Variants in PTK2B observed in about 807,000 individuals in gnomAD.
PTK2B encodes protein tyrosine kinase 2 beta, also known as protein-tyrosine kinase 2-beta.
PTK2B carries 71 observed loss-of-function variants against 142.9 expected under a neutral mutation model. That is an observed-to-expected ratio of 0.50 (90% CI 0.41 to 0.61). The LOEUF (loss-of-function observed/expected upper bound fraction) is 0.61. PTK2B is among the 20% of genes least tolerant of loss of function. The pLI, the probability that PTK2B is intolerant of heterozygous loss-of-function variation, is 0.00. For missense variants in PTK2B, 1,105 were observed against 1,320.4 expected, an observed-to-expected ratio of 0.84 and a Z score of 2.53; for synonymous variants, 519 against 503.4, an observed-to-expected ratio of 1.03 and a Z score of -0.42.
At chr8:27,444,317 C>A in intron 23 of PTK2B, 46 bp downstream of exon 23, 1 of 1,566,746 alleles carries the variant, frequency 6.4e-7, no homozygotes, top group Non-Finnish European at 8.8e-7. Flanking sequence ...TACCTCTCAT[C>A]CAGGTCCTGA....
intron 1 of PTK2B, among the ~76,000 whole-genome samples, chr8:27,366,993 G>T (rs73568017): frequency 6.6e-6 from 1 of 152,132 alleles, no homozygotes; most frequent in Non-Finnish European, 1.5e-5. Flanking sequence ...GAGGTAGAAG[G>T]TGCCTGAGAC....
intron 1 of PTK2B, among the ~76,000 whole-genome samples, chr8:27,371,345 G>A (rs926572022): frequency 3.9e-4 from 60 of 152,142 alleles, no homozygotes; most frequent in Admixed American, 1.6e-3. Flanking sequence ...GTCGGCGGCT[G>A]GAGGTGGGCC....
At chr8:27,433,987 G>T (rs77038448) in intron 11 of PTK2B, 106 bp from the exon 12 acceptor site, 15,639 of 1,388,186 alleles carry the variant, frequency 0.011, 101 homozygotes, top group Non-Finnish European at 0.014. Flanking sequence ...GGAATTAGGG[G>T]CTGGGATGGG....
intron 5 of PTK2B, among the ~76,000 whole-genome samples, chr8:27,427,869 C>T (rs192268300): frequency 7.2e-5 from 11 of 152,262 alleles, no homozygotes; most frequent in Non-Finnish European, 1.5e-5. Flanking sequence ...CTTTTGGGCA[C>T]CAGGGACCAG....
At position 27,342,875 on chromosome 8, in the gene PTK2B, A is replaced by G. The variant is rs569765017; in HGVS notation, c.-38+17194A>G. Among the ~76,000 whole-genome samples, 3 of 152,152 alleles carry G rather than the reference A, an allele frequency of 2.0e-5. No homozygotes were observed. The East Asian group carries it at 5.8e-4, about 29-fold the overall frequency. On this transcript the variant is annotated intron_variant, in intron 1 of 30. Coordinates refer to ENST00000346049, the MANE Select transcript of PTK2B (RefSeq NM_173176.3). ...ATTCCATCCATATCTGCTGAATTGCAGTGAGAAGGGCCTGAGAAACAAACC... is the reference window on the plus strand; with the variant it reads ...ATTCCATCCATATCTGCTGAATTGCGGTGAGAAGGGCCTGAGAAACAAACC...
rs185255666 is a variant in PTK2B, at chr8:27,451,600, G to A, written c.2548+91G>A. ...CCCACCGCCCAGGGCAGGGAGCAGC[G>A]GAGTCTGTCTGCATTCCCTGCAGCA... On this transcript the variant is annotated intron_variant, in intron 27 of 30. Coordinates refer to ENST00000346049, the MANE Select transcript of PTK2B (RefSeq NM_173176.3). The A allele has an allele frequency of 2.4e-4, 391 of 1,601,146 alleles. 1 individual carries two copies. In the African/African-American group the frequency reaches 2.7e-3, roughly 11 times the overall value.
chr8:27,320,490 C>T (rs969290243), intron 3 of PTK2B, among the ~76,000 whole-genome samples: 5 of 152,254 alleles, frequency 3.3e-5, no homozygotes, highest in East Asian at 1.9e-4. Context: ...CCTGTGCTTC[C>T]GACTGACTGG....
intron 2 of PTK2B, among the ~76,000 whole-genome samples, chr8:27,401,611 C>T (rs1371624315): frequency 6.6e-6 from 1 of 152,194 alleles, no homozygotes; most frequent in East Asian, 1.9e-4. Context: ...AGGCACATAG[C>T]GGGTTTGAGA....
In PTK2B at chr8:27,347,030, C is replaced by T. The variant is rs543397193; in HGVS notation, c.-38+21349C>T. On this transcript the variant is annotated intron_variant, in intron 1 of 30. Transcript: ENST00000346049. ...TTGCATGAGGTGGGTTTTCAGATGT[C>T]GTGCCTTTCTGGCTCTCCACTTCTG... Among the ~76,000 whole-genome samples, 32 of 152,240 alleles carry T rather than the reference C, an allele frequency of 2.1e-4. No homozygotes were observed. The South Asian group carries it at 5.2e-3, about 25-fold the overall frequency.
At chr8:27,339,429 C>T (rs1381306025) in intron 1 of PTK2B, among the ~76,000 whole-genome samples, 2 of 152,176 alleles carry the variant, frequency 1.3e-5, no homozygotes, top group Non-Finnish European at 2.9e-5. Flanking sequence ...AGAGACACAG[C>T]CCCCTCCCCA....
Position 27,398,274 on chromosome 8 carries a change from C to T in PTK2B, c.204+486C>T, listed in dbSNP as rs200077302. ...ACAATGAAGTAGAGGTGCTTTGAGC[C>T]AGGTGGAGGGTTAACAGGTGCCCTG... On this transcript the variant is annotated intron_variant, in intron 2 of 30. Coordinates refer to ENST00000346049, the MANE Select transcript of PTK2B (RefSeq NM_173176.3). Among the ~76,000 whole-genome samples, 7 of 152,276 alleles carry T rather than the reference C, an allele frequency of 4.6e-5. No individual in the cohort carries two copies. In the East Asian group the frequency reaches 1.4e-3, roughly 29 times the overall value.
intron 15 of PTK2B, among the ~76,000 whole-genome samples, 177 bp from the exon 16 acceptor site, chr8:27,436,942 CAAG>C (rs1810815571): frequency 6.6e-6 from 1 of 151,854 alleles, no homozygotes; most frequent in Non-Finnish European, 1.5e-5. Flanking sequence ...AGACCCTGAT[CAAG>C]AAGAAGGGGA....
chr8:27,411,158 A>G (rs192446166), intron 2 of PTK2B, among the ~76,000 whole-genome samples: 1 of 152,374 alleles, frequency 6.6e-6, no homozygotes, highest in African/African-American at 2.4e-5. Flanking sequence ...AAAGTGATTT[A>G]TTAATAGAGA....
intron 1 of PTK2B, among the ~76,000 whole-genome samples, chr8:27,326,181 T>A (rs2130744813): frequency 6.6e-6 from 1 of 152,032 alleles, no homozygotes; most frequent in African/African-American, 2.4e-5. Context: ...AAGCCCTGGC[T>A]GGAGGAAAGC....
chr8:27,349,850 C>G (rs1804940734), intron 1 of PTK2B, among the ~76,000 whole-genome samples: 1 of 152,168 alleles, frequency 6.6e-6, no homozygotes, highest in African/African-American at 2.4e-5. Flanking sequence ...GGTTGCTTGC[C>G]CTTCAAGGGC....
chr8:27,376,711 C>T (rs979758702), intron 1 of PTK2B, among the ~76,000 whole-genome samples: 6 of 152,278 alleles, frequency 3.9e-5, no homozygotes, highest in Non-Finnish European at 7.3e-5. Context: ...ACCAGTGCCA[C>T]GACAGTTTAC....
upstream of PTK2B, chr8:27,311,332 C>T (rs189117360): frequency 8.6e-4 from 1,176 of 1,366,810 alleles, 16 homozygotes; most frequent in East Asian, 0.024. Context: ...GGGAATCGCC[C>T]AGTCCCTTCC....
At chr8:27,412,924 CA>C (rs1196376007) in intron 2 of PTK2B, among the ~76,000 whole-genome samples, 5 of 152,116 alleles carry the variant, frequency 3.3e-5, no homozygotes, top group African/African-American at 1.2e-4. Context: ...TGGCCTGATA[CA>C]AATCTTATTC....
Position 27,458,414 on chromosome 8 carries a change from G to A in PTK2B, c.2935G>A (p.Ala979Thr), listed in dbSNP as rs1294947453. 6.2e-7 allele frequency: 1 copy of A among 1,612,454 alleles called. No homozygotes were observed. The highest frequency in any genetic ancestry group is 1.3e-5 in the African/African-American group (1 of 74,908). ...SEECKRQMLT[A>T]SHTLAVDAKN... ...GGAGTGCAAGAGGCAGATGCTGACG[G>A]CTTCACACACCCTGGCTGTGGACGC... The change falls in exon 31 of 31, where the codon GCT becomes ACT. Residue 979 changes from alanine (A) to threonine (T), a missense_variant. Physicochemically the swap from Ala to Thr is moderately conservative, Grantham distance 58. Coordinates refer to ENST00000346049, the MANE Select transcript of PTK2B (RefSeq NM_173176.3).
Sources: gnomAD v4.1 joint callset for allele counts (sites outside exome capture counted in the v4.1 genomes callset) on GRCh38, gnomAD v4.1.1 for gene constraint, MANE v1.5 for transcripts, NCBI Gene and HGNC (gene_info 2026-07-23, HGNC 2026-07-21) for gene names.